The following THADA variants were observed in gnomAD, a reference collection of about 807,000 sequenced individuals.
The protein encoded by THADA is tRNA (32-2'-O)-methyltransferase regulator THADA.
Under a neutral mutation model 219.8 loss-of-function variants are expected in THADA, and 213 were observed. That is an observed-to-expected ratio of 0.97 (90% CI 0.87 to 1.09). The LOEUF (loss-of-function observed/expected upper bound fraction) is 1.09, where lower values mean the gene tolerates loss of function less well. Ranked by LOEUF, THADA falls within the 50% of genes least tolerant of loss-of-function variation. THADA has a pLI of 0.00. For missense variants in THADA, 2,956 were observed against 2,311.3 expected, an observed-to-expected ratio of 1.28 and a Z score of -5.72; for synonymous variants, 1,018 against 828.9, an observed-to-expected ratio of 1.23 and a Z score of -3.92.
At chr2:43,335,091 C>T (rs6715072) in intron 30 of THADA, among the ~76,000 whole-genome samples, 40,669 of 152,062 alleles carry the variant, frequency 0.27, 6,184 homozygotes, top group African/African-American at 0.41. Context: ...GGTACGTACT[C>T]TGTCCCCTGG....
Position 43,554,163 on chromosome 2 carries a change from G to A in THADA, c.2675-1824C>T, listed in dbSNP as rs943371744. ...TCCCTTTGTGGCTTGTACTTTGGAA[G>A]TCATAACTAACCATTGGTTAACCCA... is the stretch of plus-strand genomic sequence containing the variant. On this transcript the variant is annotated intron_variant, in intron 17 of 37. Coordinates refer to ENST00000405975, the MANE Select transcript of THADA (RefSeq NM_022065.5). Among the ~76,000 whole-genome samples, 9 of 152,262 alleles carry A rather than the reference G, an allele frequency of 5.9e-5. No individual in the cohort carries two copies. The South Asian group carries it at 8.3e-4, about 14-fold the overall frequency.
chr2:43,573,642 G>A (rs1463467972), intron 11 of THADA, among the ~76,000 whole-genome samples: 1 of 152,052 alleles, frequency 6.6e-6, no homozygotes, highest in African/African-American at 2.4e-5. Context: ...CTACCTCATG[G>A]TTACTCTTTG....
At chr2:43,266,592 G>A (rs1003178315) in intron 36 of THADA, among the ~76,000 whole-genome samples, 2 of 152,132 alleles carry the variant, frequency 1.3e-5, no homozygotes, top group African/African-American at 2.4e-5. Flanking sequence ...GACAAAGTGA[G>A]ACTCCCTCTC....
intron 19 of THADA, among the ~76,000 whole-genome samples, chr2:43,550,183 A>G (rs1314594690): frequency 6.6e-6 from 1 of 152,234 alleles, no homozygotes; most frequent in Non-Finnish European, 1.5e-5. Context: ...GTAGGTAGTA[A>G]GGAGTTAGCC....
intron 22 of THADA, among the ~76,000 whole-genome samples, chr2:43,519,199 A>G (rs879390476): frequency 4.6e-5 from 7 of 152,010 alleles, no homozygotes; most frequent in Non-Finnish European, 1.0e-4. Context: ...AAGTTCCTCT[A>G]AAAACAAGGC....
chr2:43,424,471 A>C (rs979410829), intron 28 of THADA, among the ~76,000 whole-genome samples: 2 of 152,180 alleles, frequency 1.3e-5, no homozygotes, highest in African/African-American at 4.8e-5. Flanking sequence ...CCCACTGTGC[A>C]TACACCCATC....
Position 43,591,994 on chromosome 2 carries a change from C to T in THADA, c.129G>A (p.Val43=), listed in dbSNP as rs764348837. The part of the protein sequence containing the change: ...KNLASLLLHC[V]QLTDGVSQIH... ...TTTGTGACACTCCATCCGTGAGTTG[C>T]ACACAATGTAACAGCAAAGAAGCTA... The change falls in exon 3 of 38, where the codon GTG becomes GTA. Residue 43 remains valine, a synonymous_variant. Coordinates refer to ENST00000405975, the MANE Select transcript of THADA (RefSeq NM_022065.5). The T allele has an allele frequency of 6.4e-7, 1 of 1,562,808 alleles. No homozygotes were observed. The highest frequency in any genetic ancestry group is 1.2e-5 in the South Asian group (1 of 83,802).
In THADA at chr2:43,248,257, T is replaced by TCTCG. The variant is rs574010062; in HGVS notation, c.5297-15379_5297-15376dup. On this transcript the variant is annotated intron_variant, in intron 36 of 37. Coordinates refer to ENST00000405975, the MANE Select transcript of THADA (RefSeq NM_022065.5). ...CAGAGAGAGAGAGAGAGAGACGGAG[T>TCTCG]CTCGCTCTGTCACCCAGGCTGGAGT... 5.9e-5 allele frequency among the ~76,000 whole-genome samples: 8 copies of TCTCG among 135,600 alleles called. No homozygotes were observed. In the East Asian group the frequency reaches 1.8e-3, roughly 30 times the overall value. The allele number at this position is 135,600 out of a possible 152,430, so 89.0% of individuals were successfully genotyped here. A position where few individuals can be genotyped will look rare whatever the true frequency, so the allele number is the denominator to read the frequency against.
intron 28 of THADA, among the ~76,000 whole-genome samples, chr2:43,413,933 C>A (rs1676629075): frequency 6.6e-6 from 1 of 152,164 alleles, no homozygotes; most frequent in East Asian, 1.9e-4. Flanking sequence ...GTGAGATGCT[C>A]ACGTCCCTTA....
At chr2:43,554,550 AC>A (rs1034205115) in intron 17 of THADA, among the ~76,000 whole-genome samples, 1 of 152,220 alleles carries the variant, frequency 6.6e-6, no homozygotes, top group Non-Finnish European at 1.5e-5. Flanking sequence ...TGGCTTGTAA[AC>A]ATGGGAAAAA....
At chr2:43,313,010 T>A (rs1431615039) in intron 31 of THADA, among the ~76,000 whole-genome samples, 2 of 152,220 alleles carry the variant, frequency 1.3e-5, no homozygotes, top group Non-Finnish European at 2.9e-5. Context: ...CAGTGTTTGT[T>A]TTCATTCTCT....
chr2:43,267,347 C>T (rs1029164235), intron 36 of THADA, among the ~76,000 whole-genome samples: 1 of 152,232 alleles, frequency 6.6e-6, no homozygotes, highest in Non-Finnish European at 1.5e-5. Context: ...TAATTCATCC[C>T]TGTGTCCCCA....
At chr2:43,243,717 T>A (rs1453275095) in intron 36 of THADA, among the ~76,000 whole-genome samples, 1 of 152,190 alleles carries the variant, frequency 6.6e-6, no homozygotes, top group African/African-American at 2.4e-5. Flanking sequence ...ATTCCAGGTC[T>A]GAAGGGAAGG....
chr2:43,252,756 T>C (rs1669932347), intron 36 of THADA, among the ~76,000 whole-genome samples: 1 of 152,158 alleles, frequency 6.6e-6, no homozygotes, highest in Non-Finnish European at 1.5e-5. Flanking sequence ...CTCAACAATG[T>C]TCCCTAGCCA....
chr2:43,460,643 A>G (rs957652691), intron 26 of THADA, among the ~76,000 whole-genome samples: 2 of 152,202 alleles, frequency 1.3e-5, no homozygotes, highest in Non-Finnish European at 2.9e-5. Context: ...TAAAAGATAC[A>G]ATTCTAAGCC....
intron 29 of THADA, among the ~76,000 whole-genome samples, chr2:43,363,643 T>G (rs1054662096): frequency 6.6e-6 from 1 of 152,240 alleles, no homozygotes; most frequent in African/African-American, 2.4e-5. Flanking sequence ...ATGGAAAGAC[T>G]GAGTTCAGCT....
At chr2:43,480,640 T>C (rs1686086331) in intron 26 of THADA, among the ~76,000 whole-genome samples, 1 of 151,446 alleles carries the variant, frequency 6.6e-6, no homozygotes, top group African/African-American at 2.4e-5. Flanking sequence ...GAAACCCCAT[T>C]TCTACTAAAA....
chr2:43,522,742 G>A (rs1041349012), intron 22 of THADA, among the ~76,000 whole-genome samples: 1 of 151,960 alleles, frequency 6.6e-6, no homozygotes, highest in Non-Finnish European at 1.5e-5. Flanking sequence ...AAAAATGCAG[G>A]AATCATTAAC....
At chr2:43,354,656 G>C (rs1272753459) in intron 29 of THADA, among the ~76,000 whole-genome samples, 2 of 152,058 alleles carry the variant, frequency 1.3e-5, no homozygotes, top group African/African-American at 4.8e-5. Context: ...GGAACCTCTA[G>C]TTCTATTTAT....
Sources: gnomAD v4.1 joint callset for allele counts (sites outside exome capture counted in the v4.1 genomes callset) on GRCh38, gnomAD v4.1.1 for gene constraint, MANE v1.5 for transcripts, NCBI Gene and HGNC (gene_info 2026-07-23, HGNC 2026-07-21) for gene names.